RAB11FIP5: variants seen among roughly 807,000 people sequenced by gnomAD.
RAB11FIP5 encodes the protein RAB11 family interacting protein 5, also known as rab11 family-interacting protein 5.
Under a neutral mutation model 85.1 loss-of-function variants are expected in RAB11FIP5, and 48 were observed. That is an observed-to-expected ratio of 0.56 (90% CI 0.45 to 0.72). The LOEUF (loss-of-function observed/expected upper bound fraction) is 0.72, where lower values mean the gene tolerates loss of function less well. RAB11FIP5 is among the 30% of genes least tolerant of loss of function. RAB11FIP5 has a pLI of 0.00. For missense variants in RAB11FIP5, 1,491 were observed against 1,687.0 expected (o/e 0.88, Z 2.04); for synonymous variants, 729 against 727.3 (o/e 1.00, Z -0.04).
chr2:73,096,014 G>C (rs190946310), intron 1 of RAB11FIP5, among the ~76,000 whole-genome samples: 205 of 152,266 alleles, frequency 1.3e-3, no homozygotes, highest in African/African-American at 4.8e-3. Flanking sequence ...TGAGAGGCTG[G>C]GACCACAAGG....
rs996458785 is a variant in RAB11FIP5 at position 73,073,458 on chromosome 2, A to G, written c.*2063T>C. 2.0e-5 allele frequency: 3 copies of G among 152,702 alleles called. No individual in the cohort carries two copies. Among genetic ancestry groups the G allele is most frequent in the Admixed American group, 6.5e-5 (1 of 15,290 alleles). The allele number at this position is 152,702 out of a possible 1,614,324, so 9.5% of individuals were successfully genotyped here. On this transcript the variant is annotated 3_prime_UTR_variant, in exon 6 of 6. Coordinates refer to ENST00000486777, the MANE Select transcript of RAB11FIP5 (RefSeq NM_001371272.1). ...AAGCTCTTTATAAAGAGCCTTAACT[A>G]GGAAGACAAACAGCAAAGCAGAACC...
intron 3 of RAB11FIP5, among the ~76,000 whole-genome samples, chr2:73,085,219 G>A (rs1684069045): frequency 6.6e-6 from 1 of 152,082 alleles, no homozygotes; most frequent in East Asian, 1.9e-4. Context: ...CACAGGGAGG[G>A]ACCTTGTTGC....
chr2:73,096,653 T>C (rs997045416), intron 1 of RAB11FIP5, among the ~76,000 whole-genome samples: 12 of 152,098 alleles, frequency 7.9e-5, no homozygotes, highest in African/African-American at 2.9e-4. Context: ...ACTCACTCTC[T>C]CACCACTGTC....
chr2:73,076,031 G>A lies in RAB11FIP5; in HGVS notation c.3733C>T (p.Pro1245Ser), dbSNP rs748877549. 3.1e-6 allele frequency: 5 copies of A among 1,613,902 alleles called. No homozygotes were observed. The Admixed American group carries it at 5.0e-5, about 16-fold the overall frequency. ...GTGTCCACCATCTGGCCAGCCTGGG[G>A]GGCCTGGGTCACAGGCTGAATGCTC... ...SGSIQPVTQA[P>S]QAGQMVDTKR... The change falls in exon 5 of 6, where the codon CCC (proline) becomes TCC (serine). Residue 1245 changes from proline (P) to serine (S), a missense_variant. By Grantham distance (74) the Pro-to-Ser change is moderately conservative (BLOSUM62 -1). Transcript: ENST00000486777.
intron 4 of RAB11FIP5, among the ~76,000 whole-genome samples, chr2:73,077,579 A>G (rs568215719): frequency 2.0e-5 from 3 of 152,338 alleles, no homozygotes; most frequent in African/African-American, 7.2e-5. Context: ...CCCTTTCTTC[A>G]TGGTCCACTA....
In RAB11FIP5 at chr2:73,079,984, G is replaced by C; in HGVS notation, c.3248C>G (p.Pro1083Arg). 5 of 1,232,224 alleles carry C rather than the reference G, an allele frequency of 4.1e-6. No individual in the cohort carries two copies. The highest frequency in any genetic ancestry group is 4.0e-6 in the Non-Finnish European group (4 of 988,026). 76.3% of individuals were successfully genotyped at this position (1,232,224 alleles called of 1,614,324 possible). A position where few individuals can be genotyped will look rare whatever the true frequency, so the allele number is the denominator to read the frequency against. ...DPPSLSSASP[P>R]GSRESSIHSG... is the part of the protein sequence containing the mutation. ...ATGAATAGAAGATTCCCTCGACCCT[G>C]GCGGGGATGCAGATGAGAGGCTGGG... Residue 1083 changes from proline (P) to arginine (R), a missense_variant, in exon 4 of 6, where the codon CCA becomes CGA. Transcript: ENST00000486777.
At chr2:73,110,219 G>C (rs1684610467) in intron 1 of RAB11FIP5, among the ~76,000 whole-genome samples, 1 of 152,218 alleles carries the variant, frequency 6.6e-6, no homozygotes, top group South Asian at 2.1e-4. Context: ...ATCCAAAGCT[G>C]AGGAGGGTAC....
In RAB11FIP5 at chr2:73,076,053, G is replaced by T; in HGVS notation, c.3711C>A (p.Ser1237Arg). The T allele has an allele frequency of 6.2e-7, 1 of 1,614,146 alleles. No individual in the cohort carries two copies. Among genetic ancestry groups the T allele is most frequent in the South Asian group, 1.1e-5 (1 of 91,086 alleles). The change falls in exon 5 of 6, where the codon AGC (serine) becomes AGA (arginine). Residue 1237 changes from serine to arginine, a missense_variant. Physicochemically the swap from Ser to Arg is moderately radical, Grantham distance 110. Around this residue, in one of 3 missense-constraint regions of RAB11FIP5, gnomAD observed 232 missense variants for 259.1 expected, o/e 0.90. Transcript: ENST00000486777. ...GGGGGGCCTGGGTCACAGGCTGAAT[G>T]CTCCCAGATGTGACTGTTTTGAGCT... ...LEKLKTVTSG[S>R]IQPVTQAPQA...
chr2:73,085,995 A>C (rs1374331465), intron 3 of RAB11FIP5, among the ~76,000 whole-genome samples: 3 of 151,536 alleles, frequency 2.0e-5, no homozygotes, highest in Non-Finnish European at 4.4e-5. Flanking sequence ...GAGGCAGCCC[A>C]CCTCTCCTTC....
intron 1 of RAB11FIP5, among the ~76,000 whole-genome samples, chr2:73,098,102 G>C (rs761566438): frequency 2.6e-5 from 4 of 152,196 alleles, no homozygotes; most frequent in Non-Finnish European, 5.9e-5. Flanking sequence ...CAGGCTGCCT[G>C]GTTAAGCCCC....
intron 3 of RAB11FIP5, among the ~76,000 whole-genome samples, chr2:73,082,418 T>C (rs1170384633): frequency 6.6e-6 from 1 of 152,232 alleles, no homozygotes; most frequent in East Asian, 1.9e-4. Context: ...TTATAGGACC[T>C]AGCAGGGCAC....
chr2:73,083,706 T>G (rs1418552763), intron 3 of RAB11FIP5, among the ~76,000 whole-genome samples: 1 of 152,192 alleles, frequency 6.6e-6, no homozygotes, highest in Non-Finnish European at 1.5e-5. Context: ...ACATGCCTGC[T>G]GTGGGGACCA....
chr2:73,106,440 C>A (rs1013188644), intron 1 of RAB11FIP5, among the ~76,000 whole-genome samples: 5 of 152,236 alleles, frequency 3.3e-5, no homozygotes, highest in Non-Finnish European at 4.4e-5. Context: ...AAACACAGCA[C>A]TTGGCTATAG....
In RAB11FIP5 at chr2:73,074,240, G is replaced by A. The variant is rs1683803420; in HGVS notation, c.*1281C>T. ...CAAAGGCTTTTTCCTAAGTATAGGT[G>A]TCTCCCAAAGGCATAGTGGGACCTC... On this transcript the variant is annotated 3_prime_UTR_variant, in exon 6 of 6. Coordinates refer to ENST00000486777, the MANE Select transcript of RAB11FIP5 (RefSeq NM_001371272.1). The A allele has an allele frequency of 6.6e-6, 1 of 152,270 alleles. No homozygotes were observed. 9.4% of individuals were successfully genotyped at this position (152,270 alleles called of 1,614,324 possible). A position where few individuals can be genotyped will look rare whatever the true frequency, so the allele number is the denominator to read the frequency against.
Position 73,080,422 on chromosome 2 carries a change from G to A in RAB11FIP5, c.2810C>T (p.Ala937Val). ...NRGPETEGED[A>V]SPSALVVGPP... ...ACCGACAACCAGTGCACTTGGGGAG[G>A]CATCTTCTCCCTCTGTCTCCGGCCC... The change falls in exon 4 of 6, where the codon GCC becomes GTC. Residue 937 changes from alanine to valine, a missense_variant. Ala to Val is a moderately conservative substitution (Grantham distance 64). Transcript: ENST00000486777. The A allele has an allele frequency of 8.1e-7, 1 of 1,233,360 alleles. No individual in the cohort carries two copies. The highest frequency in any genetic ancestry group is 1.0e-6 in the Non-Finnish European group (1 of 988,576). 76.4% of individuals were successfully genotyped at this position (1,233,360 alleles called of 1,614,324 possible).
chr2:73,092,353 T>C (rs1023587750), intron 1 of RAB11FIP5, among the ~76,000 whole-genome samples: 1 of 152,208 alleles, frequency 6.6e-6, no homozygotes, highest in South Asian at 2.1e-4. Context: ...ACAGCGGTAA[T>C]GCAATTACCT....
intron 1 of RAB11FIP5, among the ~76,000 whole-genome samples, chr2:73,109,489 C>T (rs1253303980): frequency 1.3e-5 from 2 of 152,196 alleles, no homozygotes; most frequent in Admixed American, 1.3e-4. Flanking sequence ...GGATAAGTAA[C>T]CTGTCTGCTG....
At chr2:73,077,353 C>A (rs1683882982) in intron 4 of RAB11FIP5, among the ~76,000 whole-genome samples, 1 of 152,210 alleles carries the variant, frequency 6.6e-6, no homozygotes, top group Non-Finnish European at 1.5e-5. Flanking sequence ...AGCACTGCCA[C>A]CTTCCTACCT....
chr2:73,092,923 C>T (rs1684245156), intron 1 of RAB11FIP5, among the ~76,000 whole-genome samples: 1 of 152,084 alleles, frequency 6.6e-6, no homozygotes, highest in Admixed American at 6.5e-5. Flanking sequence ...CTGGGCACCC[C>T]AGGGACTCAA....
Sources: allele counts gnomAD v4.1 joint callset (sites outside exome capture counted in the v4.1 genomes callset), GRCh38; gene constraint gnomAD v4.1.1; regional missense constraint gnomAD v4.1.1; transcripts MANE v1.5; gene names NCBI Gene and HGNC (gene_info 2026-07-23, HGNC 2026-07-21).